Variants in DRAM1 observed in about 807,000 individuals in gnomAD.
DRAM1 encodes DNA damage regulated autophagy modulator 1.
A neutral mutation model predicts 28.5 loss-of-function variants in DRAM1; 25 were observed. The ratio of observed to expected loss-of-function variants is 0.88; its 90% CI spans 0.64 to 1.23. The LOEUF is 1.23. Ranked by LOEUF, DRAM1 falls within the 50% of genes most tolerant of loss-of-function variation. The pLI, the probability that DRAM1 is intolerant of heterozygous loss-of-function variation, is 0.00. For missense variants in DRAM1, 249 were observed against 299.2 expected, an observed-to-expected ratio of 0.83 and a Z score of 1.24; for synonymous variants, 113 against 114.2, an observed-to-expected ratio of 0.99 and a Z score of 0.07.
intron 4 of DRAM1, among the ~76,000 whole-genome samples, chr12:101,911,136 T>A (rs563230581): frequency 6.6e-6 from 1 of 152,212 alleles, no homozygotes; most frequent in South Asian, 2.1e-4. Flanking sequence ...CTTGGGAGGC[T>A]GAAGGAGGAG....
At chr12:101,898,778 T>G (rs1020994347) in intron 2 of DRAM1, among the ~76,000 whole-genome samples, 1 of 152,240 alleles carries the variant, frequency 6.6e-6, no homozygotes, top group Non-Finnish European at 1.5e-5. Context: ...TTATCTTACC[T>G]GTTAGAGAAA....
intron 1 of DRAM1, among the ~76,000 whole-genome samples, chr12:101,895,770 C>T (rs1449356307): frequency 2.0e-5 from 3 of 151,168 alleles, no homozygotes; most frequent in Non-Finnish European, 4.4e-5. Flanking sequence ...CAGGGTTTCA[C>T]CATGTTGGCC....
intron 3 of DRAM1, among the ~76,000 whole-genome samples, chr12:101,907,359 A>G (rs1314804946): frequency 1.3e-5 from 2 of 151,932 alleles, no homozygotes; most frequent in African/African-American, 2.4e-5. Flanking sequence ...CCTTGGCACC[A>G]TCATGGAACG....
In DRAM1 at chr12:101,877,860, T is replaced by A. The variant is rs1172558933; in HGVS notation, c.71T>A (p.Ile24Asn). Residue 24 changes from isoleucine to asparagine, a missense_variant, in exon 1 of 7, where the codon ATT becomes AAT. Physicochemically the swap from Ile to Asn is moderately radical, Grantham distance 149. Around this residue, in one of 3 missense-constraint regions of DRAM1, gnomAD observed 218 missense variants for 243.1 expected, o/e 0.90. Coordinates refer to ENST00000258534, the MANE Select transcript of DRAM1 (RefSeq NM_018370.3). This position sits in a 1 kb window ranked among gnomAD's most constrained non-coding sequence, Gnocchi z 4.1. ...LLVTWSSAAF[I>N]ISYVVAVLSG... ...GTGACCTGGTCGTCAGCCGCCTTCA[T>A]TATCTCCTACGTGGTCGCCGTGCTC... 2 of 1,547,720 alleles carry A rather than the reference T, an allele frequency of 1.3e-6. No homozygotes were observed. The highest frequency in any genetic ancestry group is 2.4e-5 in the South Asian group (2 of 83,648).
rs575251291 is a variant in DRAM1 at position 101,921,257 on chromosome 12, T to C, written c.714T>C (p.Ile238=). Residue 238 remains isoleucine, a synonymous_variant, in exon 7 of 7, where the codon ATT becomes ATC. Coordinates refer to ENST00000258534, the MANE Select transcript of DRAM1 (RefSeq NM_018370.3). The part of the protein sequence containing the change: ...LRISTEINGD[I] ...TATCCACAGAAATCAATGGTGATATTTGAAGAAAGAAGAATTCAGTCTCAC... is the reference window on the plus strand; with the variant it reads ...TATCCACAGAAATCAATGGTGATATCTGAAGAAAGAAGAATTCAGTCTCAC... 2.5e-6 allele frequency: 4 copies of C among 1,606,504 alleles called. No homozygotes were observed. The highest frequency in any genetic ancestry group is 3.4e-6 in the Non-Finnish European group (4 of 1,173,200).
intron 1 of DRAM1, among the ~76,000 whole-genome samples, chr12:101,882,758 T>C (rs559028399): frequency 1.3e-5 from 2 of 150,280 alleles, no homozygotes; most frequent in East Asian, 4.3e-4. Context: ...TTGATTTCAG[T>C]CTCCATGGTG....
At chr12:101,891,050 GC>G (rs1873109831) in intron 1 of DRAM1, among the ~76,000 whole-genome samples, 1 of 151,506 alleles carries the variant, frequency 6.6e-6, no homozygotes. Flanking sequence ...CGCCCGGCCT[GC>G]CCCCCACATT....
intron 1 of DRAM1, among the ~76,000 whole-genome samples, chr12:101,888,694 ATATTTTTCTTC>A (rs1376643459): frequency 6.6e-6 from 1 of 151,682 alleles, no homozygotes; most frequent in Non-Finnish European, 1.5e-5. Context: ...AAAATTATGA[ATATTTTTCTTC>A]TATTTTTCCT....
intron 1 of DRAM1, among the ~76,000 whole-genome samples, chr12:101,883,557 G>A (rs112627014): frequency 0.28 from 42,887 of 150,618 alleles, 6,492 homozygotes; most frequent in East Asian, 0.39. Context: ...TTCATGATCC[G>A]CCCACCTCGG....
intron 1 of DRAM1, among the ~76,000 whole-genome samples, chr12:101,884,160 G>A (rs1249846746): frequency 1.3e-5 from 2 of 151,924 alleles, no homozygotes; most frequent in Non-Finnish European, 2.9e-5. Context: ...GCTGAAGTGG[G>A]CTGATCACTT....
chr12:101,896,506 G>A (rs1297098125), intron 1 of DRAM1, among the ~76,000 whole-genome samples: 1 of 152,102 alleles, frequency 6.6e-6, no homozygotes, highest in Non-Finnish European at 1.5e-5. Context: ...GCTTACACCT[G>A]TAATCCCAGC....
At chr12:101,908,146 A>T in intron 3 of DRAM1, 40 bp from the exon 4 acceptor site, 1 of 1,556,960 alleles carries the variant, frequency 6.4e-7, no homozygotes, top group Non-Finnish European at 8.7e-7. Context: ...ATGTTGACAA[A>T]CCCACCCAGA....
At chr12:101,901,531 C>T (rs527881385) in intron 3 of DRAM1, 98 bp downstream of exon 3, 204 of 1,388,582 alleles carry the variant, frequency 1.5e-4, no homozygotes, top group Non-Finnish European at 1.9e-4. Context: ...CCATTATAGC[C>T]ATTAAATGCT....
At chr12:101,910,992 T>C (rs1011077080) in intron 4 of DRAM1, among the ~76,000 whole-genome samples, 2 of 152,022 alleles carry the variant, frequency 1.3e-5, no homozygotes, top group African/African-American at 2.4e-5. Context: ...TCCCAGCACG[T>C]TGGGAGGCCG....
rs550164119 is a variant in DRAM1 at position 101,877,662 on chromosome 12, C to T, written c.-128C>T. 66 of 620,992 alleles carry T rather than the reference C, an allele frequency of 1.1e-4. No individual in the cohort carries two copies. The African/African-American group carries it at 1.2e-3, about 11-fold the overall frequency. 38.5% of individuals were successfully genotyped at this position (620,992 alleles called of 1,614,324 possible). A position where few individuals can be genotyped will look rare whatever the true frequency, so the allele number is the denominator to read the frequency against. ...CCCTCCGGGGCTGGGCCTGCCCCGG[C>T]CGTCGCGGAGCCTCCCCTCCCACCG... On this transcript the variant is annotated 5_prime_UTR_variant, in exon 1 of 7. Transcript: ENST00000258534. This position sits in a 1 kb window ranked among gnomAD's most constrained non-coding sequence, Gnocchi z 4.1.
intron 3 of DRAM1, among the ~76,000 whole-genome samples, chr12:101,902,439 A>C (rs950948136): frequency 9.2e-5 from 14 of 152,174 alleles, no homozygotes; most frequent in African/African-American, 3.4e-4. Context: ...TATCTGTGAC[A>C]AAAAAACCAA....
rs79375760 is a variant in DRAM1 at position 101,893,405 on chromosome 12, A to G, written c.132-4458A>G. ...GTATTTTCACCATGGAAGTTGGCAAATGCCACAAACCAGGCACCCTCCAGA... is the reference window on the plus strand; with the variant it reads ...GTATTTTCACCATGGAAGTTGGCAAGTGCCACAAACCAGGCACCCTCCAGA... On this transcript the variant is annotated intron_variant, in intron 1 of 6. Transcript: ENST00000258534. 0.011 allele frequency among the ~76,000 whole-genome samples: 1,630 copies of G among 152,288 alleles called. 59 individuals are homozygous for G. In the East Asian group the frequency reaches 0.13, roughly 12 times the overall value.
At position 101,922,204 on chromosome 12, in the gene DRAM1, T is replaced by C. The variant is rs4764681; in HGVS notation, c.*944T>C. ...TTCAGGGTACTGTTTATTTGCTCCT[T>C]CTCTTCATGCCTGTGGCTGGATGTC... On this transcript the variant is annotated 3_prime_UTR_variant, in exon 7 of 7. Transcript: ENST00000258534. The C allele has an allele frequency of 0.11, 16,874 of 152,222 alleles. 1,313 individuals carry two copies. Among genetic ancestry groups the C allele is most frequent in the African/African-American group, 0.22 (9,135 of 41,484 alleles). The allele number at this position is 152,222 out of a possible 1,614,324, so 9.4% of individuals were successfully genotyped here.
chr12:101,915,188 C>A (rs2121161501), intron 5 of DRAM1, among the ~76,000 whole-genome samples: 1 of 151,738 alleles, frequency 6.6e-6, no homozygotes, highest in Admixed American at 6.6e-5. Context: ...ACCGTATTAG[C>A]CAGGATGGTC....
Sources: allele counts gnomAD v4.1 joint callset (sites outside exome capture counted in the v4.1 genomes callset), GRCh38; gene constraint gnomAD v4.1.1; regional missense constraint gnomAD v4.1.1; non-coding constraint Gnocchi (gnomAD v3.1); transcripts MANE v1.5; gene names NCBI Gene and HGNC (gene_info 2026-07-23, HGNC 2026-07-21).